The following PSCA variants were observed in gnomAD, a reference collection of about 807,000 sequenced individuals.
PSCA encodes prostate stem cell antigen.
In PSCA, 7 loss-of-function variants were observed where a neutral mutation model predicts 7.9. The observed-to-expected ratio is 0.89, with a 90% CI of 0.51 to 1.67. PSCA has a LOEUF of 1.67. Ranked by LOEUF, PSCA falls within the 40% of genes most tolerant of loss-of-function variation. The pLI, the probability that PSCA is intolerant of heterozygous loss-of-function variation, is 0.00. For missense variants in PSCA, 151 were observed against 147.9 expected (o/e 1.02, Z -0.11); for synonymous variants, 61 against 68.3 (o/e 0.89, Z 0.53).
upstream of PSCA, among the ~76,000 whole-genome samples, chr8:142,678,400 G>C (rs1308613406): frequency 1.3e-5 from 2 of 152,212 alleles, no homozygotes; most frequent in East Asian, 3.9e-4. Context: ...TACCCAAGAG[G>C]GTTGCCAGGC....
At chr8:142,677,804 T>G (rs1554637945), upstream of PSCA, among the ~76,000 whole-genome samples, 1 of 152,050 alleles carries the variant, frequency 6.6e-6, no homozygotes, top group African/African-American at 2.4e-5. Flanking sequence ...TGGCCTCCAG[T>G]AAGTTCCTGT....
At chr8:142,676,171 C>T (rs1847400108), upstream of PSCA, 2 of 152,408 alleles carry the variant, frequency 1.3e-5, no homozygotes, top group African/African-American at 4.8e-5. Context: ...GGCAGAAGGC[C>T]AAGAGCAAAC....
At chr8:142,678,966 GACT>G (rs1847430171), upstream of PSCA, among the ~76,000 whole-genome samples, 2 of 150,494 alleles carry the variant, frequency 1.3e-5, no homozygotes, top group Non-Finnish European at 3.0e-5. Flanking sequence ...CCGCCCAGCT[GACT>G]GGCATGAGAG....
At chr8:142,675,667 T>A (rs1193825658), upstream of PSCA, among the ~76,000 whole-genome samples, 1 of 152,136 alleles carries the variant, frequency 6.6e-6, no homozygotes, top group East Asian at 1.9e-4. Flanking sequence ...TCTCACACTC[T>A]CACACACACT....
rs1814644780 is a variant in PSCA, at chr8:142,681,755, G to C, written c.134-166G>C. Reference sequence around the variant, plus strand: ...TCCATCTGCCTCGGACATCTGGATAGGGCTGAGACCAGGGCCGAGACCAGG... The same window carrying C: ...TCCATCTGCCTCGGACATCTGGATACGGCTGAGACCAGGGCCGAGACCAGG... On this transcript the variant is annotated intron_variant, in intron 2 of 2. Transcript: ENST00000301258. 4 of 625,672 alleles carry C rather than the reference G, an allele frequency of 6.4e-6. No homozygotes were observed. The South Asian group carries it at 7.8e-5, about 12-fold the overall frequency. 38.8% of individuals were successfully genotyped at this position (625,672 alleles called of 1,614,324 possible). A position where few individuals can be genotyped will look rare whatever the true frequency, so the allele number is the denominator to read the frequency against.
upstream of PSCA, among the ~76,000 whole-genome samples, chr8:142,677,130 A>G (rs955055408): frequency 3.9e-5 from 6 of 152,146 alleles, no homozygotes; most frequent in African/African-American, 1.4e-4. Context: ...GGTAACCAGG[A>G]TTAGAGTTCA....
upstream of PSCA, chr8:142,680,398 C>A: frequency 1.0e-6 from 1 of 963,732 alleles, no homozygotes; most frequent in Non-Finnish European, 1.6e-6. Flanking sequence ...AGCCCCGGGG[C>A]CCTCACTGGC....
At chr8:142,672,764 C>G (rs1354887630) in intron 1 of PSCA, among the ~76,000 whole-genome samples, 1 of 152,126 alleles carries the variant, frequency 6.6e-6, no homozygotes, top group African/African-American at 2.4e-5. Context: ...AAGAGGCGTC[C>G]AAAAGAGAAA....
intron 1 of PSCA, among the ~76,000 whole-genome samples, chr8:142,672,574 G>A (rs895376360): frequency 1.2e-4 from 19 of 152,148 alleles, no homozygotes; most frequent in East Asian, 5.8e-4. Context: ...TCCCTCCCCC[G>A]GAAGGCTGGC....
intron 2 of PSCA, 75 bp from the exon 3 acceptor site, chr8:142,681,832 TAGGCAGGGTGGGAC>T: frequency 1.1e-6 from 1 of 912,206 alleles, no homozygotes; most frequent in Non-Finnish European, 1.6e-6. Context: ...TCTAGAGCAT[TAGGCAGGGTGGGAC>T]AGGAGGAGGC....
upstream of PSCA, chr8:142,680,222 G>C: frequency 2.3e-6 from 1 of 440,642 alleles, no homozygotes; most frequent in Non-Finnish European, 4.2e-6. Context: ...TGCACTGTGA[G>C]GTGGGGGAGG....
At chr8:142,674,932 C>T (rs1040999439) in intron 1 of PSCA, among the ~76,000 whole-genome samples, 6 of 152,262 alleles carry the variant, frequency 3.9e-5, no homozygotes, top group Admixed American at 2.6e-4. Flanking sequence ...AAGGCCACGC[C>T]GGAGCTAACC....
At chr8:142,679,142 G>C (rs1554638074), upstream of PSCA, among the ~76,000 whole-genome samples, 1 of 152,244 alleles carries the variant, frequency 6.6e-6, no homozygotes, top group African/African-American at 2.4e-5. Context: ...GTGGGAGCTG[G>C]ACCAGCCTCC....
intron 1 of PSCA, among the ~76,000 whole-genome samples, chr8:142,672,240 A>G (rs587644793): frequency 8.5e-4 from 129 of 150,998 alleles, no homozygotes; most frequent in African/African-American, 2.4e-3. Context: ...AAATCCAGCC[A>G]GTGTTTGGCC....
chr8:142,671,250 G>A (rs1437435327), intron 1 of PSCA, among the ~76,000 whole-genome samples: 5 of 152,202 alleles, frequency 3.3e-5, no homozygotes, highest in Non-Finnish European at 4.4e-5. Context: ...GAGAGAAAAG[G>A]AAATGTGACA....
intron 1 of PSCA, among the ~76,000 whole-genome samples, chr8:142,671,329 C>T (rs1381014881): frequency 7.2e-5 from 11 of 152,308 alleles, no homozygotes; most frequent in Admixed American, 3.3e-4. Context: ...GGACTATGAG[C>T]GGCTTCTAGT....
Position 142,673,368 on chromosome 8 carries a change from T to A in PSCA, n.261+2800T>A, listed in dbSNP as rs587738775. On this transcript the variant is annotated intron_variant and non_coding_transcript_variant, in intron 1 of 1. Coordinates refer to the PSCA transcript ENST00000505305. The surrounding 1 kb of genome is among the most constrained non-coding windows in gnomAD (Gnocchi z 4.6). ...TGCATGGGGCTCCTCCAGGTGCTCC[T>A]ACCATTACTCACGGAACCTTGGGCC... 1.3e-5 allele frequency among the ~76,000 whole-genome samples: 2 copies of A among 152,264 alleles called. No homozygotes were observed. Among genetic ancestry groups the A allele is most frequent in the Non-Finnish European group, 2.9e-5 (2 of 68,006 alleles).
At chr8:142,670,616 G>A (rs1847304859) in intron 1 of PSCA, 1 of 152,300 alleles carries the variant, frequency 6.6e-6, no homozygotes, top group Admixed American at 6.5e-5. Context: ...GGCTGTGGAG[G>A]ACCTTGAGAT....
chr8:142,675,459 G>T (rs188065346), upstream of PSCA, among the ~76,000 whole-genome samples: 188 of 152,312 alleles, frequency 1.2e-3, no homozygotes, highest in African/African-American at 4.3e-3. Flanking sequence ...GCCCCAGCTG[G>T]GTGGGCTTGG....
Sources: gnomAD v4.1 joint callset for allele counts (sites outside exome capture counted in the v4.1 genomes callset) on GRCh38, gnomAD v4.1.1 for gene constraint, Gnocchi (gnomAD v3.1) non-coding constraint, MANE v1.5 for transcripts, NCBI Gene and HGNC (gene_info 2026-07-23, HGNC 2026-07-21) for gene names.